The following PTCHD4 variants were observed in gnomAD, a reference collection of about 807,000 sequenced individuals.
The protein encoded by PTCHD4 is patched domain containing 4.
A neutral mutation model predicts 58.1 loss-of-function variants in PTCHD4; 33 were observed. That is an observed-to-expected ratio of 0.57 (90% CI 0.43 to 0.76). The LOEUF is 0.76. Ranked by LOEUF, PTCHD4 falls within the 30% of genes least tolerant of loss-of-function variation. PTCHD4 has a pLI of 0.00. For synonymous variants in PTCHD4, 478 were observed against 409.6 expected (o/e 1.17, Z -2.02); for missense variants, 1,058 against 1,027.1 (o/e 1.03, Z -0.41).
At chr6:47,923,355 G>A (rs1036225111) in intron 4 of PTCHD4, among the ~76,000 whole-genome samples, 10 of 151,970 alleles carry the variant, frequency 6.6e-5, no homozygotes, top group Non-Finnish European at 1.2e-4. Flanking sequence ...AATTCTTATA[G>A]TCTTACTACT....
chr6:47,930,059 T>C (rs531091206), intron 4 of PTCHD4, among the ~76,000 whole-genome samples: 1 of 152,318 alleles, frequency 6.6e-6, no homozygotes, highest in African/African-American at 2.4e-5. Flanking sequence ...CTATTGACTT[T>C]CATGCCCTTT....
intron 4 of PTCHD4, among the ~76,000 whole-genome samples, chr6:47,894,482 T>C (rs1306175684): frequency 6.6e-6 from 1 of 152,200 alleles, no homozygotes; most frequent in Non-Finnish European, 1.5e-5. Context: ...CTCCATGTAG[T>C]CTTCCTCATA....
chr6:48,001,094 T>G (rs1277213673), intron 4 of PTCHD4, among the ~76,000 whole-genome samples: 1 of 151,768 alleles, frequency 6.6e-6, no homozygotes, highest in Admixed American at 6.6e-5. Context: ...CACTGCTCAA[T>G]GAAATAAAAG....
At position 47,859,401 on chromosome 6, in the gene PTCHD4, A is replaced by G. The variant is rs922200027; in HGVS notation, c.*18902T>C. 5.3e-5 allele frequency among the ~76,000 whole-genome samples: 8 copies of G among 152,030 alleles called. No homozygotes were observed. Among genetic ancestry groups the G allele is most frequent in the Admixed American group, 5.3e-4 (8 of 15,236 alleles). ...AGATGTTAATATTACCTAGCAAAGAATTCATGGGCAAACAACTTTCAAATG... is the reference window on the plus strand; with the variant it reads ...AGATGTTAATATTACCTAGCAAAGAGTTCATGGGCAAACAACTTTCAAATG... On this transcript the variant is annotated 3_prime_UTR_variant, in exon 5 of 5. Transcript: ENST00000339488.
intron 1 of PTCHD4, among the ~76,000 whole-genome samples, chr6:48,088,977 G>A (rs1765313044): frequency 6.6e-6 from 1 of 152,082 alleles, no homozygotes; most frequent in Non-Finnish European, 1.5e-5. Context: ...CCCAGGAGGC[G>A]GAGGTTGCAT....
chr6:48,038,576 G>T (rs1393282023), intron 3 of PTCHD4, among the ~76,000 whole-genome samples: 1 of 149,944 alleles, frequency 6.7e-6, no homozygotes, highest in Non-Finnish European at 1.5e-5. Flanking sequence ...GGAGACAGAG[G>T]TTGCAGTGAG....
intron 4 of PTCHD4, among the ~76,000 whole-genome samples, chr6:47,946,252 C>CT (rs1277430962): frequency 6.6e-6 from 1 of 152,032 alleles, no homozygotes; most frequent in South Asian, 2.1e-4. Context: ...ATTATTACTG[C>CT]TTTTTTTCTG....
At chr6:48,099,470 C>T (rs952960179) in intron 1 of PTCHD4, among the ~76,000 whole-genome samples, 14 of 152,064 alleles carry the variant, frequency 9.2e-5, no homozygotes, top group East Asian at 3.9e-4. Context: ...ACATGAGAGA[C>T]GCAGATGAGA....
At chr6:47,897,405 C>T (rs141867531) in intron 4 of PTCHD4, among the ~76,000 whole-genome samples, 73 of 152,272 alleles carry the variant, frequency 4.8e-4, no homozygotes, top group Middle Eastern at 3.4e-3. Context: ...CCATGCATGA[C>T]GCAGTCCTGG....
intron 3 of PTCHD4, among the ~76,000 whole-genome samples, chr6:48,014,946 A>G (rs1019267366): frequency 1.3e-5 from 2 of 152,138 alleles, no homozygotes; most frequent in Non-Finnish European, 2.9e-5. Context: ...CTTTATGATT[A>G]AAAGTTATTT....
chr6:47,885,959 C>T lies in PTCHD4; in HGVS notation c.899-6023G>A, dbSNP rs142175104. 3.1e-3 allele frequency among the ~76,000 whole-genome samples: 468 copies of T among 152,246 alleles called. 6 individuals carry two copies. Among genetic ancestry groups the T allele is most frequent in the African/African-American group, 0.011 (445 of 41,542 alleles). On this transcript the variant is annotated intron_variant, in intron 4 of 4. Coordinates refer to ENST00000339488, the MANE Select transcript of PTCHD4 (RefSeq NM_001384253.1). ...TTAGCCTCCTGAGTAACTGAGATTA[C>T]AGGCACCTGCCACCACACCTGGCTG...
intron 3 of PTCHD4, among the ~76,000 whole-genome samples, chr6:48,044,594 C>T (rs548260381): frequency 4.0e-5 from 6 of 151,856 alleles, no homozygotes; most frequent in Non-Finnish European, 7.4e-5. Context: ...AAACCTGGCC[C>T]TTGCCAGTTT....
chr6:47,965,141 G>GA (rs1330308539), intron 4 of PTCHD4, among the ~76,000 whole-genome samples: 1 of 152,106 alleles, frequency 6.6e-6, no homozygotes. Flanking sequence ...GTACTAACGG[G>GA]AAAAATGTTT....
chr6:47,863,809 A>G lies in PTCHD4; in HGVS notation c.*14494T>C, dbSNP rs981197503. ...AATTTTCTTCATGAAAAGACTGTCC[A>G]GAGCAACTTATTACAAATAGAGATT... On this transcript the variant is annotated 3_prime_UTR_variant, in exon 5 of 5. Coordinates refer to ENST00000339488, the MANE Select transcript of PTCHD4 (RefSeq NM_001384253.1). Among the ~76,000 whole-genome samples, 1 of 151,980 alleles carries G rather than the reference A, an allele frequency of 6.6e-6. No individual in the cohort carries two copies. The highest frequency in any genetic ancestry group is 2.4e-5 in the African/African-American group (1 of 41,420).
intron 1 of PTCHD4, among the ~76,000 whole-genome samples, chr6:48,102,975 C>T (rs1562050599): frequency 2.0e-5 from 3 of 152,196 alleles, no homozygotes; most frequent in South Asian, 4.1e-4. Context: ...CTGGGTGGAG[C>T]CCACCACAGC....
At chr6:48,010,756 C>T (rs951959402) in intron 3 of PTCHD4, among the ~76,000 whole-genome samples, 1 of 152,136 alleles carries the variant, frequency 6.6e-6, no homozygotes, top group South Asian at 2.1e-4. Context: ...TAGCCCACCA[C>T]CCACCGATAG....
Position 47,901,934 on chromosome 6 carries a change from G to T in PTCHD4, c.899-21998C>A, listed in dbSNP as rs1036334815. 15 of 1,300,544 alleles carry T rather than the reference G, an allele frequency of 1.2e-5. No homozygotes were observed. In the African/African-American group the frequency reaches 1.4e-4, roughly 12 times the overall value. The allele number at this position is 1,300,544 out of a possible 1,614,324, so 80.6% of individuals were successfully genotyped here. A position where few individuals can be genotyped will look rare whatever the true frequency, so the allele number is the denominator to read the frequency against. ...AGCTTGAGGTAAATTCAGTGGAGATGCCTTAAAAATAGTATGAGCAAGTCA... is the reference window on the plus strand; with the variant it reads ...AGCTTGAGGTAAATTCAGTGGAGATTCCTTAAAAATAGTATGAGCAAGTCA... On this transcript the variant is annotated intron_variant, in intron 4 of 4. Coordinates refer to ENST00000339488, the MANE Select transcript of PTCHD4 (RefSeq NM_001384253.1).
intron 1 of PTCHD4, among the ~76,000 whole-genome samples, chr6:48,089,182 C>T (rs554288378): frequency 2.0e-5 from 3 of 152,234 alleles, no homozygotes; most frequent in Admixed American, 6.5e-5. Context: ...TTCCAAAAGA[C>T]TAATAGCAAT....
rs1240147741 is a variant in PTCHD4, at chr6:48,069,105, C to A, written c.-148G>T. ...TCGGTGCCTAACTGGAACCATGTGC[C>A]TCGGTGTTGTAAGAAGCAGACATGT... is the stretch of plus-strand genomic sequence containing the variant. On this transcript the variant is annotated 5_prime_UTR_variant, in exon 2 of 5. The change creates a new upstream start codon in the 5' untranslated region. Transcript: ENST00000339488. 7.8e-6 allele frequency among the ~76,000 whole-genome samples: 1 copy of A among 128,606 alleles called. No homozygotes were observed. Among genetic ancestry groups the A allele is most frequent in the Non-Finnish European group, 1.6e-5 (1 of 63,668 alleles). 84.4% of individuals were successfully genotyped at this position (128,606 alleles called of 152,430 possible).
Sources: allele counts gnomAD v4.1 joint callset (sites outside exome capture counted in the v4.1 genomes callset), GRCh38; gene constraint gnomAD v4.1.1; transcripts MANE v1.5; gene names NCBI Gene and HGNC (gene_info 2026-07-23, HGNC 2026-07-21).